Variants in LYPD6 observed in about 807,000 individuals in gnomAD.
The protein encoded by LYPD6 is ly6/PLAUR domain-containing protein 6.
In LYPD6, 15 loss-of-function variants were observed where a neutral mutation model predicts 22.7. The observed-to-expected ratio is 0.66, with a 90% CI of 0.44 to 1.02. The LOEUF (loss-of-function observed/expected upper bound fraction) is 1.02. Among genes scored for constraint, LYPD6 ranks in the 50% least tolerant of loss-of-function variants. The pLI, the probability that LYPD6 is intolerant of heterozygous loss-of-function variation, is 0.00. For missense variants in LYPD6, 189 were observed against 208.4 expected, an observed-to-expected ratio of 0.91 and a Z score of 0.57; for synonymous variants, 72 against 77.5, an observed-to-expected ratio of 0.93 and a Z score of 0.37.
At chr2:149,450,296 C>T (rs1161390735) in intron 3 of LYPD6, among the ~76,000 whole-genome samples, 5 of 152,140 alleles carry the variant, frequency 3.3e-5, no homozygotes, top group Non-Finnish European at 1.5e-5. Context: ...GAGATAGGGC[C>T]TGAGAATTTG....
chr2:149,416,936 A>G (rs533067845), intron 1 of LYPD6, among the ~76,000 whole-genome samples: 2 of 152,234 alleles, frequency 1.3e-5, no homozygotes, highest in South Asian at 4.1e-4. Context: ...CTTGGGCCCA[A>G]TCTTGCATCT....
At chr2:149,441,189 A>C (rs749283686) in intron 2 of LYPD6, among the ~76,000 whole-genome samples, 12 of 152,178 alleles carry the variant, frequency 7.9e-5, no homozygotes, top group Non-Finnish European at 1.5e-4. Context: ...ACCGTAAAAA[A>C]TATATGAGGG....
rs1682466462 is a variant in LYPD6, at chr2:149,398,172, A to C, written c.-71-39466A>C. On this transcript the variant is annotated intron_variant, in intron 1 of 4. Transcript: ENST00000334166. ...AACCTGGTACTGGACGAGCTCTTTC[A>C]GTTCAGTTGGATGAGACTTCTTATG... 3.9e-5 allele frequency among the ~76,000 whole-genome samples: 6 copies of C among 152,198 alleles called. No homozygotes were observed. In the South Asian group the frequency reaches 1.2e-3, roughly 31 times the overall value.
intron 3 of LYPD6, among the ~76,000 whole-genome samples, chr2:149,451,210 G>T (rs929179456): frequency 1.3e-5 from 2 of 152,284 alleles, no homozygotes; most frequent in South Asian, 2.1e-4. Context: ...CTCTGGAGGG[G>T]AGGAACACTG....
At position 149,338,722 on chromosome 2, in the gene LYPD6, A is replaced by G. The variant is rs140186451; in HGVS notation, c.-72+8000A>G. ...TAAATTACCCCGGCTAAGGCATTTT[A>G]TTATAGCAGCCTGATGGACTAAGAC... On this transcript the variant is annotated intron_variant, in intron 1 of 4. Coordinates refer to ENST00000334166, the MANE Select transcript of LYPD6 (RefSeq NM_194317.5). Among the ~76,000 whole-genome samples, 700 of 152,250 alleles carry G rather than the reference A, an allele frequency of 4.6e-3. 2 individuals carry two copies. The highest frequency in any genetic ancestry group is 6.9e-3 in the Non-Finnish European group (467 of 68,008).
At chr2:149,424,901 T>C (rs1421334714) in intron 1 of LYPD6, among the ~76,000 whole-genome samples, 1 of 152,092 alleles carries the variant, frequency 6.6e-6, no homozygotes, top group Non-Finnish European at 1.5e-5. Flanking sequence ...AGGTTCGTCT[T>C]AGGGTTGTTT....
At chr2:149,354,355 A>G (rs868847797) in intron 1 of LYPD6, among the ~76,000 whole-genome samples, 1 of 152,032 alleles carries the variant, frequency 6.6e-6, no homozygotes, top group South Asian at 2.1e-4. Flanking sequence ...TTACAGGTGC[A>G]TGCCACCACA....
intron 2 of LYPD6, among the ~76,000 whole-genome samples, chr2:149,439,710 G>A (rs1219123252): frequency 1.3e-5 from 2 of 152,220 alleles, no homozygotes; most frequent in African/African-American, 4.8e-5. Flanking sequence ...TCAGAAGGAG[G>A]TCTTGAAGGC....
At chr2:149,355,446 A>G (rs1351153549) in intron 1 of LYPD6, among the ~76,000 whole-genome samples, 2 of 152,180 alleles carry the variant, frequency 1.3e-5, no homozygotes, top group Non-Finnish European at 2.9e-5. Flanking sequence ...AAAATTAGAA[A>G]CTTTCAGAAC....
At chr2:149,416,102 A>T (rs1682956692) in intron 1 of LYPD6, among the ~76,000 whole-genome samples, 1 of 152,174 alleles carries the variant, frequency 6.6e-6, no homozygotes, top group Non-Finnish European at 1.5e-5. Context: ...CGTGACTTCC[A>T]TGGGCTGCTT....
intron 1 of LYPD6, among the ~76,000 whole-genome samples, chr2:149,429,379 C>T (rs1683263603): frequency 6.6e-6 from 1 of 152,148 alleles, no homozygotes; most frequent in African/African-American, 2.4e-5. Context: ...GATGAAAATT[C>T]CTGAAAACAA....
chr2:149,438,518 C>T (rs1475731486), intron 2 of LYPD6, among the ~76,000 whole-genome samples: 9 of 152,148 alleles, frequency 5.9e-5, no homozygotes, highest in Admixed American at 5.9e-4. Flanking sequence ...TCTGTATTGC[C>T]CCTGTTGAGG....
At chr2:149,407,003 G>T (rs1353667949) in intron 1 of LYPD6, among the ~76,000 whole-genome samples, 1 of 151,724 alleles carries the variant, frequency 6.6e-6, no homozygotes, top group Non-Finnish European at 1.5e-5. Context: ...GCTTAGTTTG[G>T]CTGGATATGA....
intron 1 of LYPD6, among the ~76,000 whole-genome samples, chr2:149,338,565 A>G (rs1184577861): frequency 6.6e-6 from 1 of 152,184 alleles, no homozygotes; most frequent in African/African-American, 2.4e-5. Context: ...TTCTTCTGCC[A>G]TGTGAGGACA....
At chr2:149,388,658 G>T (rs754324269) in intron 1 of LYPD6, among the ~76,000 whole-genome samples, 6 of 152,090 alleles carry the variant, frequency 3.9e-5, no homozygotes, top group Non-Finnish European at 8.8e-5. Flanking sequence ...TGGTGGGAGG[G>T]AGAGTCGTAA....
At chr2:149,376,344 A>C (rs1307630750) in intron 1 of LYPD6, among the ~76,000 whole-genome samples, 2 of 152,196 alleles carry the variant, frequency 1.3e-5, no homozygotes, top group Non-Finnish European at 2.9e-5. Context: ...TACTATTAAA[A>C]TAAATGGAAT....
At chr2:149,381,857 A>G (rs1458722158) in intron 1 of LYPD6, among the ~76,000 whole-genome samples, 1 of 152,012 alleles carries the variant, frequency 6.6e-6, no homozygotes, top group East Asian at 1.9e-4. Context: ...TCTGAATTGC[A>G]GTATAGAATT....
chr2:149,354,920 T>C (rs1681424411), intron 1 of LYPD6, among the ~76,000 whole-genome samples: 1 of 152,188 alleles, frequency 6.6e-6, no homozygotes, highest in Admixed American at 6.5e-5. Flanking sequence ...TGAAAGCTCG[T>C]GAGCCCTGAG....
the LYPD6 span, among the ~76,000 whole-genome samples, chr2:149,485,608 CTGTT>C: frequency 1.3e-5 from 2 of 152,158 alleles, no homozygotes; most frequent in Non-Finnish European, 2.9e-5. Flanking sequence ...GAAACCTGCT[CTGTT>C]TGTCTGACGC....
Sources: allele counts gnomAD v4.1 joint callset (sites outside exome capture counted in the v4.1 genomes callset), GRCh38; gene constraint gnomAD v4.1.1; transcripts MANE v1.5; gene names NCBI Gene and HGNC (gene_info 2026-07-23, HGNC 2026-07-21).